Variants in TEX264 observed in about 807,000 individuals in gnomAD.
TEX264 encodes the protein testis expressed 264, ER-phagy receptor.
Under a neutral mutation model 23.4 loss-of-function variants are expected in TEX264, and 13 were observed. The ratio of observed to expected loss-of-function variants is 0.56; its 90% CI spans 0.36 to 0.88. The LOEUF is 0.88. TEX264 is among the 40% of genes least tolerant of loss of function. The pLI is 0.01. For synonymous variants in TEX264, 159 were observed against 170.0 expected (o/e 0.94, Z 0.50); for missense variants, 340 against 406.8 (o/e 0.84, Z 1.41).
At position 51,699,554 on chromosome 3, in the gene TEX264, A is replaced by ACACC; in HGVS notation, c.632_635dup (p.Gln212HisfsTer9). ...TGGCGGGGGCTTGTGGAGGCCATTGACACCCAGGTGGATGGCACAGGTACA... is the reference window on the plus strand; with the variant it reads ...TGGCGGGGGCTTGTGGAGGCCATTGACACCCACCCAGGTGGATGGCACAGGTACA... On this transcript the variant is annotated frameshift_variant, in exon 4 of 5. Transcript: ENST00000341333. LOFTEE classifies it high-confidence loss of function. 6.2e-7 allele frequency: 1 copy of ACACC among 1,613,918 alleles called. No homozygotes were observed. Among genetic ancestry groups the ACACC allele is most frequent in the Non-Finnish European group, 8.5e-7 (1 of 1,179,892 alleles).
At chr3:51,684,264 ATAGC>A (rs1702532786) in intron 2 of TEX264, 145 bp from the exon 3 acceptor site, 1 of 681,414 alleles carries the variant, frequency 1.5e-6, no homozygotes, top group African/African-American at 1.8e-5. Context: ...CAGTAAGAAA[ATAGC>A]TAGCTGTGTC....
At chr3:51,694,076 CTTCCGT>C in intron 3 of TEX264, among the ~76,000 whole-genome samples, 1 of 119,900 alleles carries the variant, frequency 8.3e-6, no homozygotes, top group Non-Finnish European at 1.7e-5. Flanking sequence ...CTTCCCCTTC[CTTCCGT>C]CCGTCCTTCC....
chr3:51,701,778 C>G (rs1703314359), intron 4 of TEX264, among the ~76,000 whole-genome samples: 3 of 146,830 alleles, frequency 2.0e-5, no homozygotes, highest in Admixed American at 6.7e-5. Context: ...ATTACAGGTG[C>G]CTGCCACCAT....
chr3:51,673,318 C>A (rs529250242), intron 1 of TEX264, among the ~76,000 whole-genome samples: 142 of 152,298 alleles, frequency 9.3e-4, no homozygotes, highest in African/African-American at 3.3e-3. Flanking sequence ...AGGTCAAGCC[C>A]TCTGTGTAAG....
chr3:51,697,829 T>C (rs1703129808), intron 3 of TEX264, among the ~76,000 whole-genome samples: 1 of 152,166 alleles, frequency 6.6e-6, no homozygotes, highest in Admixed American at 6.5e-5. Context: ...TCTGTGTGTT[T>C]AGAAATGGGA....
At chr3:51,671,518 C>A (rs1702042212) in intron 1 of TEX264, 1 of 154,642 alleles carries the variant, frequency 6.5e-6, no homozygotes, top group Non-Finnish European at 1.5e-5. Context: ...CCGCGGCCAC[C>A]GGTGCAGGGC....
Position 51,684,553 on chromosome 3 carries a change from A to G in TEX264, c.399A>G (p.Thr133=), listed in dbSNP as rs1644775324. 6.2e-7 allele frequency: 1 copy of G among 1,614,040 alleles called. No homozygotes were observed. Among genetic ancestry groups the G allele is most frequent in the Non-Finnish European group, 8.5e-7 (1 of 1,180,024 alleles). The change falls in exon 3 of 5, where the codon ACA becomes ACG. Residue 133 remains threonine (T), a synonymous_variant. Transcript: ENST00000341333. ...TCCCGGCACCCAGCCATGTGGTGAC[A>G]GCCACCTTCCCCTACACCACCATTC... is the stretch of plus-strand genomic sequence containing the variant. ...FSFPAPSHVV[T]ATFPYTTILS... is the part of the protein sequence containing the mutation.
chr3:51,697,555 A>C (rs1418516692), intron 3 of TEX264, among the ~76,000 whole-genome samples: 1 of 152,162 alleles, frequency 6.6e-6, no homozygotes, highest in Non-Finnish European at 1.5e-5. Context: ...CCCTGACTAG[A>C]TTCAGGGATC....
intron 2 of TEX264, among the ~76,000 whole-genome samples, chr3:51,676,123 G>C (rs929101708): frequency 2.8e-4 from 42 of 152,142 alleles, no homozygotes; most frequent in African/African-American, 9.7e-4. Context: ...GTGGGCTATG[G>C]GGAGCTCCTA....
At chr3:51,679,218 A>C (rs1702338329) in intron 2 of TEX264, among the ~76,000 whole-genome samples, 1 of 152,186 alleles carries the variant, frequency 6.6e-6, no homozygotes. Context: ...ACATGAGGAT[A>C]AAAGAATCCC....
intron 3 of TEX264, among the ~76,000 whole-genome samples, chr3:51,693,804 A>T (rs1287835935): frequency 6.6e-6 from 1 of 152,012 alleles, no homozygotes; most frequent in African/African-American, 2.4e-5. Flanking sequence ...TACTTGGCTG[A>T]TCTGTTGCAC....
intron 2 of TEX264, among the ~76,000 whole-genome samples, chr3:51,680,650 C>T (rs1254220877): frequency 1.3e-5 from 2 of 152,202 alleles, no homozygotes; most frequent in Non-Finnish European, 2.9e-5. Context: ...AGATGTGGTT[C>T]CTTGTAGGTA....
intron 2 of TEX264, chr3:51,683,118 G>T (rs1702491818): frequency 1.3e-5 from 2 of 153,998 alleles, no homozygotes; most frequent in Non-Finnish European, 1.5e-5. Flanking sequence ...TTAAACTTAG[G>T]GGTCATCCCT....
chr3:51,685,323 A>G (rs1702583768), intron 3 of TEX264, among the ~76,000 whole-genome samples: 1 of 152,226 alleles, frequency 6.6e-6, no homozygotes, highest in South Asian at 2.1e-4. Flanking sequence ...TTGGGCTTGG[A>G]CGTGATTGTT....
chr3:51,700,177 C>T (rs1703239582), intron 4 of TEX264, among the ~76,000 whole-genome samples: 1 of 152,140 alleles, frequency 6.6e-6, no homozygotes, highest in Admixed American at 6.5e-5. Context: ...GCTTGCCTGC[C>T]CACCCCTCTG....
intron 1 of TEX264, among the ~76,000 whole-genome samples, chr3:51,672,684 G>A (rs1702090243): frequency 6.6e-6 from 1 of 152,236 alleles, no homozygotes; most frequent in Non-Finnish European, 1.5e-5. Flanking sequence ...CTGGGCTTGT[G>A]TTGCCTGCAT....
chr3:51,684,032 G>T lies in TEX264; in HGVS notation c.259-381G>T, dbSNP rs137861864. 2,057 of 243,552 alleles carry T rather than the reference G, an allele frequency of 8.4e-3. 13 individuals are homozygous for T. Among genetic ancestry groups the T allele is most frequent in the Middle Eastern group, 0.019 (14 of 728 alleles). The allele number at this position is 243,552 out of a possible 1,614,324, so 15.1% of individuals were successfully genotyped here. A position where few individuals can be genotyped will look rare whatever the true frequency, so the allele number is the denominator to read the frequency against. On this transcript the variant is annotated intron_variant, in intron 2 of 4. Coordinates refer to ENST00000341333, the MANE Select transcript of TEX264 (RefSeq NM_015926.6). ...CCCTGGGGCGTGGGGGCTGACAGAG[G>T]GTCTTATGGTGGGGTGGAAGGGCCC...
In TEX264 at chr3:51,704,188, C is replaced by G. The variant is rs992637177; in HGVS notation, c.*172C>G. ...CTTCTCCTCACTGCCCTTTAGGCTC[C>G]CAGGGCCAGAGGAGCCAGGGACTAT... On this transcript the variant is annotated 3_prime_UTR_variant, in exon 5 of 5. Coordinates refer to ENST00000341333, the MANE Select transcript of TEX264 (RefSeq NM_015926.6). 1 of 541,804 alleles carries G rather than the reference C, an allele frequency of 1.8e-6. No individual in the cohort carries two copies. Among genetic ancestry groups the G allele is most frequent in the African/African-American group, 2.0e-5 (1 of 51,262 alleles). 33.6% of individuals were successfully genotyped at this position (541,804 alleles called of 1,614,324 possible). A position where few individuals can be genotyped will look rare whatever the true frequency, so the allele number is the denominator to read the frequency against.
At chr3:51,699,138 A>T (rs1703183964) in intron 3 of TEX264, among the ~76,000 whole-genome samples, 1 of 152,174 alleles carries the variant, frequency 6.6e-6, no homozygotes, top group Non-Finnish European at 1.5e-5. Context: ...ATAGGAGAGC[A>T]GTGCCAGGCT....
Sources: allele counts gnomAD v4.1 joint callset (sites outside exome capture counted in the v4.1 genomes callset), GRCh38; gene constraint gnomAD v4.1.1; transcripts MANE v1.5; gene names NCBI Gene and HGNC (gene_info 2026-07-23, HGNC 2026-07-21).